The following GARS1 variants were observed in gnomAD, a reference collection of about 807,000 sequenced individuals.
GARS1 encodes the protein glycine--tRNA ligase.
A neutral mutation model predicts 86.4 loss-of-function variants in GARS1; 46 were observed. That is an observed-to-expected ratio of 0.53 (90% CI 0.42 to 0.68). GARS1 has a LOEUF of 0.68. GARS1 is among the 30% of genes least tolerant of loss of function. The pLI is 0.00. For missense variants in GARS1, 797 were observed against 915.6 expected (o/e 0.87, Z 1.67); for synonymous variants, 342 against 329.8 (o/e 1.04, Z -0.40).
intron 1 of GARS1, among the ~76,000 whole-genome samples, 200 bp downstream of exon 1, chr7:30,595,343 T>G (rs1228335081): frequency 6.6e-6 from 1 of 152,204 alleles, no homozygotes; most frequent in African/African-American, 2.4e-5. Flanking sequence ...CCCGCGGACC[T>G]CCGTCCTCCT....
In GARS1 at chr7:30,633,922, G is replaced by A. The variant is rs1227533750; in HGVS notation, c.*62G>A. On this transcript the variant is annotated 3_prime_UTR_variant, in exon 17 of 17. Transcript: ENST00000389266. ...AAAAAAAAAAAAAAACTACTCTTATGTCCACTTTACAAAAGAAAACAGCAT... is the reference window on the plus strand; with the variant it reads ...AAAAAAAAAAAAAAACTACTCTTATATCCACTTTACAAAAGAAAACAGCAT... The A allele has an allele frequency of 3.8e-6, 6 of 1,560,884 alleles. No homozygotes were observed. Among genetic ancestry groups the A allele is most frequent in the East Asian group, 4.5e-5 (2 of 44,330 alleles).
chr7:30,608,882 G>A (rs1215234242), intron 6 of GARS1, among the ~76,000 whole-genome samples: 2 of 152,022 alleles, frequency 1.3e-5, no homozygotes, highest in East Asian at 1.9e-4. Context: ...CAGTTATTAT[G>A]GCCATTAATT....
In GARS1 at chr7:30,617,366, C is replaced by A; in HGVS notation, c.1359+88C>A. On this transcript the variant is annotated intron_variant, in intron 10 of 16. Coordinates refer to ENST00000389266, the MANE Select transcript of GARS1 (RefSeq NM_002047.4). ...ATGAATTTTTGTGCACTTTATGTCA[C>A]AGAGGAACAAAGGGAAAAGAAAAGA... The A allele has an allele frequency of 2.1e-6, 3 of 1,424,608 alleles. No individual in the cohort carries two copies. In the South Asian group the frequency reaches 3.6e-5, roughly 17 times the overall value. The allele number at this position is 1,424,608 out of a possible 1,614,324, so 88.2% of individuals were successfully genotyped here. A position where few individuals can be genotyped will look rare whatever the true frequency, so the allele number is the denominator to read the frequency against.
At chr7:30,599,765 C>A (rs1791335256) in intron 2 of GARS1, among the ~76,000 whole-genome samples, 182 bp from the exon 3 acceptor site, 1 of 152,040 alleles carries the variant, frequency 6.6e-6, no homozygotes, top group African/African-American at 2.4e-5. Flanking sequence ...GTAAAGATAT[C>A]TTTTATATTA....
At chr7:30,614,077 C>G (rs1008150010) in intron 8 of GARS1, among the ~76,000 whole-genome samples, 1 of 152,090 alleles carries the variant, frequency 6.6e-6, no homozygotes, top group Non-Finnish European at 1.5e-5. Context: ...TGATTCCTGC[C>G]TCCTATCTAT....
At position 30,615,944 on chromosome 7, in the gene GARS1, A is replaced by C. The variant is rs374661605; in HGVS notation, c.1080A>C (p.Lys360Asn). The change falls in exon 9 of 17, where the codon AAA becomes AAC. Residue 360 changes from lysine to asparagine, a missense_variant. Physicochemically the swap from Lys to Asn is moderately conservative, Grantham distance 94. Transcript: ENST00000389266. Reference protein sequence around the residue: ...EIEHFVDPSEKDHPKFQNVAD... With the variant: ...EIEHFVDPSENDHPKFQNVAD... ...AGCACTTTGTAGATCCCAGTGAGAA[A>C]GACCACCCCAAGTTCCAGAATGTGG... The C allele has an allele frequency of 6.2e-7, 1 of 1,614,216 alleles. No homozygotes were observed. Among genetic ancestry groups the C allele is most frequent in the South Asian group, 1.1e-5 (1 of 91,088 alleles).
intron 9 of GARS1, 44 bp downstream of exon 9, chr7:30,616,102 G>C (rs771316587): frequency 1.2e-6 from 2 of 1,608,302 alleles, no homozygotes; most frequent in South Asian, 1.1e-5. Flanking sequence ...GCCTGTTCAG[G>C]GTTTGCAGCA....
Position 30,617,531 on chromosome 7 carries a change from C to T in GARS1, c.1359+253C>T, listed in dbSNP as rs144354325. Among the ~76,000 whole-genome samples the T allele has an allele frequency of 3.3e-3, 495 of 152,278 alleles. 1 individual carries two copies. The highest frequency in any genetic ancestry group is 0.011 in the African/African-American group (468 of 41,548). On this transcript the variant is annotated intron_variant, in intron 10 of 16. Coordinates refer to ENST00000389266, the MANE Select transcript of GARS1 (RefSeq NM_002047.4). ...CAGTGCGGATGTGTACACTGCTGTA[C>T]AGTGTATTGGCAGCATTACTGGCAA...
At chr7:30,617,699 CT>C (rs1782917978) in intron 10 of GARS1, among the ~76,000 whole-genome samples, 1 of 152,160 alleles carries the variant, frequency 6.6e-6, no homozygotes, top group African/African-American at 2.4e-5. Flanking sequence ...GGGGAATATA[CT>C]AGTTGATTCT....
intron 12 of GARS1, among the ~76,000 whole-genome samples, chr7:30,624,190 C>G (rs1783079061): frequency 6.6e-6 from 1 of 151,954 alleles, no homozygotes; most frequent in Non-Finnish European, 1.5e-5. Flanking sequence ...TCTAGTGTGG[C>G]CCAGGGAAGC....
chr7:30,619,430 C>A (rs1236024611), intron 10 of GARS1, among the ~76,000 whole-genome samples: 7 of 152,102 alleles, frequency 4.6e-5, no homozygotes, highest in Non-Finnish European at 8.8e-5. Context: ...TAATGCCACA[C>A]CAATTCTCTT....
In GARS1 at chr7:30,633,773, T is replaced by C; in HGVS notation, c.2133T>C (p.Asn711=). The C allele has an allele frequency of 6.2e-7, 1 of 1,614,006 alleles. No homozygotes were observed. Among genetic ancestry groups the C allele is most frequent in the Non-Finnish European group, 8.5e-7 (1 of 1,179,966 alleles). Residue 711 remains asparagine, a synonymous_variant, in exon 17 of 17, where the codon AAT becomes AAC. Transcript: ENST00000389266. ...CCAGCATAGTCCAAGACCTAGCCAATGGCAACATCACATGGGCTGATGTGG... is the reference window on the plus strand; with the variant it reads ...CCAGCATAGTCCAAGACCTAGCCAACGGCAACATCACATGGGCTGATGTGG... ...ELPSIVQDLA[N]GNITWADVEA... is the part of the protein sequence containing the mutation.
chr7:30,621,964 A>G (rs1783017710), intron 11 of GARS1, among the ~76,000 whole-genome samples: 1 of 152,216 alleles, frequency 6.6e-6, no homozygotes, highest in Admixed American at 6.5e-5. Context: ...TGAAGTTATG[A>G]GCTGATTTCT....
At position 30,612,218 on chromosome 7, in the gene GARS1, C is replaced by G; in HGVS notation, c.1004C>G (p.Ser335Cys). The change falls in exon 8 of 17, where the codon TCC (serine) becomes TGC (cysteine). Residue 335 changes from serine (S) to cysteine (C), a missense_variant. Physicochemically the swap from Ser to Cys is moderately radical, Grantham distance 112 (BLOSUM62 -1). This residue lies in a region of GARS1 where 598 missense variants were observed against 738.7 expected (regional missense o/e 0.81). Coordinates refer to ENST00000389266, the MANE Select transcript of GARS1 (RefSeq NM_002047.4). Reference protein sequence around the residue: ...QIGNSFRNEISPRSGLIRVRE... With the variant: ...QIGNSFRNEICPRSGLIRVRE... The stretch of plus-strand genomic sequence containing the variant: ...GGAAATTCTTTTAGAAATGAGATCT[C>G]CCCTCGATCTGGACTGATCAGAGTC... 2.5e-6 allele frequency: 4 copies of G among 1,614,112 alleles called. No individual in the cohort carries two copies. Among genetic ancestry groups the G allele is most frequent in the East Asian group, 2.2e-5 (1 of 44,864 alleles).
At chr7:30,600,727 GT>G (rs1791356016) in intron 3 of GARS1, among the ~76,000 whole-genome samples, 1 of 152,170 alleles carries the variant, frequency 6.6e-6, no homozygotes, top group Non-Finnish European at 1.5e-5. Context: ...ATAGATCATT[GT>G]TATCAGATGT....
In GARS1 at chr7:30,626,283, A is replaced by G. The variant is rs1023871853; in HGVS notation, c.1663A>G (p.Met555Val). 11 of 1,606,786 alleles carry G rather than the reference A, an allele frequency of 6.8e-6. No individual in the cohort carries two copies. In the African/African-American group the frequency reaches 1.5e-4, roughly 21 times the overall value. Residue 555 changes from methionine (M) to valine (V), a missense_variant, in exon 13 of 17, where the codon ATG (methionine) becomes GTG (valine). By Grantham distance (21) the Met-to-Val change is conservative. This residue lies in a region of GARS1 where 598 missense variants were observed against 738.7 expected (regional missense o/e 0.81). Transcript: ENST00000389266. The part of the protein sequence containing the change: ...EGKTFQLTKD[M>V]INVKRFQKTL... ...GAAAACATTTCAGTTAACAAAAGAC[A>G]TGATCAATGTGAAGAGATTCCAGAA...
At chr7:30,623,209 T>C (rs143168392) in intron 12 of GARS1, among the ~76,000 whole-genome samples, 2,000 of 150,896 alleles carry the variant, frequency 0.013, 45 homozygotes, top group African/African-American at 0.047. Flanking sequence ...CAATAAAAAT[T>C]ATTATATATA....
chr7:30,603,152 T>C, intron 5 of GARS1, 30 bp downstream of exon 5: 3 of 1,546,250 alleles, frequency 1.9e-6, no homozygotes, highest in African/African-American at 2.7e-5. Context: ...TCAGGTAGGA[T>C]TGATCAAAAT....
chr7:30,619,117 T>G (rs953856882), intron 10 of GARS1, among the ~76,000 whole-genome samples: 4 of 152,252 alleles, frequency 2.6e-5, no homozygotes, highest in Non-Finnish European at 4.4e-5. Context: ...TTTGCTTAAG[T>G]CTCACAGCCA....
Sources: gnomAD v4.1 joint callset for allele counts (sites outside exome capture counted in the v4.1 genomes callset) on GRCh38, gnomAD v4.1.1 for gene constraint, gnomAD v4.1.1 regional missense constraint, MANE v1.5 for transcripts, NCBI Gene and HGNC (gene_info 2026-07-23, HGNC 2026-07-21) for gene names.